ANK3: variants seen among roughly 807,000 people sequenced by gnomAD.
ANK3 encodes ankyrin 3.
A neutral mutation model predicts 370.9 loss-of-function variants in ANK3; 57 were observed. That is an observed-to-expected ratio of 0.15 (90% CI 0.12 to 0.19). The LOEUF is 0.19. ANK3 is among the 10% of genes least tolerant of loss of function. The pLI is 1.00. For synonymous variants in ANK3, 1,929 were observed against 1,946.3 expected, an observed-to-expected ratio of 0.99 and a Z score of 0.23; for missense variants, 4,439 against 5,302.1, an observed-to-expected ratio of 0.84 and a Z score of 5.06.
In ANK3 at chr10:60,075,350, G is replaced by A. The variant is rs2083544667; in HGVS notation, c.5531C>T (p.Ser1844Leu). The A allele has an allele frequency of 1.2e-6, 2 of 1,614,128 alleles. No individual in the cohort carries two copies. The highest frequency in any genetic ancestry group is 4.5e-5 in the East Asian group (2 of 44,892). Residue 1844 changes from serine (S) to leucine (L), a missense_variant, in exon 37 of 44, where the codon TCA (serine) becomes TTA (leucine). This residue lies in a region of ANK3 where 679 missense variants were observed against 791.0 expected (regional missense o/e 0.86). Coordinates refer to ENST00000280772, the MANE Select transcript of ANK3 (RefSeq NM_020987.5). ...CAAGGCTGCTGCTGATTTTGTAAAT[G>A]AATTAGAGTCTGGAAGTTTCTTTAA... ...PALKKLPDSN[S>L]FTKSAAALLS...
intron 1 of ANK3, among the ~76,000 whole-genome samples, chr10:60,620,971 G>C (rs1294329644): frequency 6.6e-6 from 1 of 152,116 alleles, no homozygotes; most frequent in Non-Finnish European, 1.5e-5. Flanking sequence ...GACTTAGAGA[G>C]ATTGACTAAA....
At chr10:60,584,964 C>T (rs571128551) in intron 2 of ANK3, among the ~76,000 whole-genome samples, 35 of 152,192 alleles carry the variant, frequency 2.3e-4, no homozygotes, top group Non-Finnish European at 4.7e-4. Flanking sequence ...AAACCTCAGC[C>T]TCTTCCCATG....
chr10:60,473,452 A>C (rs1460323738), intron 2 of ANK3, among the ~76,000 whole-genome samples: 1 of 152,204 alleles, frequency 6.6e-6, no homozygotes. Context: ...ATTCAAATGC[A>C]AGAGTATAAG....
chr10:60,590,706 C>T (rs2077896998), intron 2 of ANK3, among the ~76,000 whole-genome samples: 1 of 152,158 alleles, frequency 6.6e-6, no homozygotes, highest in Non-Finnish European at 1.5e-5. Flanking sequence ...TACTCAAGTC[C>T]CTTCTACAAA....
At chr10:60,159,949 A>G (rs1222920666) in intron 23 of ANK3, among the ~76,000 whole-genome samples, 1 of 152,148 alleles carries the variant, frequency 6.6e-6, no homozygotes, top group Non-Finnish European at 1.5e-5. Context: ...ATAGCAATAA[A>G]TGCCTACATC....
intron 1 of ANK3, among the ~76,000 whole-genome samples, chr10:60,623,327 G>A (rs2078363887): frequency 6.6e-6 from 1 of 152,242 alleles, no homozygotes; most frequent in South Asian, 2.1e-4. Flanking sequence ...ATCCAAAAAG[G>A]AATCAAATAA....
chr10:60,082,092 T>A, intron 35 of ANK3, 58 bp downstream of exon 35: 1 of 1,433,266 alleles, frequency 7.0e-7, no homozygotes, highest in East Asian at 2.3e-5. Context: ...ACTTCTGTCA[T>A]ACAGATTCAA....
At chr10:60,248,204 C>T (rs2097585015) in intron 7 of ANK3, among the ~76,000 whole-genome samples, 1 of 152,154 alleles carries the variant, frequency 6.6e-6, no homozygotes, top group Admixed American at 6.5e-5. Context: ...AGAAGTGGAA[C>T]TGCTGGATCA....
chr10:60,483,877 A>G (rs2133106485), intron 2 of ANK3, among the ~76,000 whole-genome samples: 1 of 152,322 alleles, frequency 6.6e-6, no homozygotes, highest in East Asian at 1.9e-4. Flanking sequence ...CTTGCAAAAG[A>G]TATGACAGTC....
intron 1 of ANK3, among the ~76,000 whole-genome samples, chr10:60,375,499 G>T (rs75396339): frequency 3.3e-5 from 5 of 151,896 alleles, no homozygotes; most frequent in African/African-American, 4.8e-5. Context: ...GCCTGCCTGG[G>T]GGGGGAGGGG....
chr10:60,031,490 G>A (rs2131831324), intron 43 of ANK3, among the ~76,000 whole-genome samples: 1 of 152,262 alleles, frequency 6.6e-6, no homozygotes, highest in Non-Finnish European at 1.5e-5. Flanking sequence ...TCTCCTCCTT[G>A]TTTAGTGTGA....
chr10:60,733,243 G>T (rs1034734280), intron 1 of ANK3: 5 of 1,240,812 alleles, frequency 4.0e-6, no homozygotes, highest in Admixed American at 4.2e-5. Context: ...CCGCAGGTAG[G>T]GGGGCGGCGC....
intron 30 of ANK3, among the ~76,000 whole-genome samples, chr10:60,085,947 G>A (rs1416179206): frequency 2.0e-5 from 3 of 152,134 alleles, no homozygotes; most frequent in African/African-American, 7.2e-5. Context: ...AACTACCAAA[G>A]TTAAGAAACA....
chr10:60,413,449 C>G (rs12416179), intron 2 of ANK3, among the ~76,000 whole-genome samples: 1 of 152,084 alleles, frequency 6.6e-6, no homozygotes, highest in Non-Finnish European at 1.5e-5. Context: ...TTCTCTAGTT[C>G]CCAAGGTAGT....
At chr10:60,172,544 G>T in intron 20 of ANK3, 141 bp from the exon 21 acceptor site, 1 of 703,298 alleles carries the variant, frequency 1.4e-6, no homozygotes, top group Non-Finnish European at 2.4e-6. Context: ...GACATACCTT[G>T]CACAAAACCC....
At chr10:60,263,650 C>G (rs368548299) in intron 6 of ANK3, among the ~76,000 whole-genome samples, 185 bp downstream of exon 6, 30 of 152,282 alleles carry the variant, frequency 2.0e-4, no homozygotes, top group Admixed American at 8.5e-4. Context: ...ATTCCCCTCA[C>G]CCCCCAACTT....
intron 2 of ANK3, among the ~76,000 whole-genome samples, chr10:60,588,002 T>C (rs547041996): frequency 6.6e-6 from 1 of 152,088 alleles, no homozygotes; most frequent in East Asian, 1.9e-4. Flanking sequence ...GGATGGATGG[T>C]CCAAGCTAAT....
At chr10:60,090,016 C>T (rs1201376413) in intron 28 of ANK3, among the ~76,000 whole-genome samples, 1 of 151,906 alleles carries the variant, frequency 6.6e-6, no homozygotes, top group African/African-American at 2.4e-5. Context: ...GCTTAGGAGA[C>T]AACTATTTTT....
chr10:60,030,912 A>T (rs1429575428), intron 43 of ANK3, among the ~76,000 whole-genome samples: 1 of 152,176 alleles, frequency 6.6e-6, no homozygotes, highest in African/African-American at 2.4e-5. Context: ...CAGGTTATTC[A>T]GCTGCTTGGG....
Sources: gnomAD v4.1 joint callset for allele counts (sites outside exome capture counted in the v4.1 genomes callset) on GRCh38, gnomAD v4.1.1 for gene constraint, gnomAD v4.1.1 regional missense constraint, MANE v1.5 for transcripts, NCBI Gene and HGNC (gene_info 2026-07-23, HGNC 2026-07-21) for gene names.